GRAMD1B: variants seen among roughly 807,000 people sequenced by gnomAD.
The protein encoded by GRAMD1B is protein Aster-B.
Under a neutral mutation model 99.7 loss-of-function variants are expected in GRAMD1B, and 37 were observed. The ratio of observed to expected loss-of-function variants is 0.37; its 90% CI spans 0.29 to 0.49. The LOEUF (loss-of-function observed/expected upper bound fraction) is 0.49, where lower values mean the gene tolerates loss of function less well. GRAMD1B is among the 20% of genes least tolerant of loss of function. GRAMD1B has a pLI of 0.98. For synonymous variants in GRAMD1B, 427 were observed against 387.6 expected (o/e 1.10, Z -1.19); for missense variants, 888 against 1,009.2 (o/e 0.88, Z 1.63).
intron 1 of GRAMD1B, among the ~76,000 whole-genome samples, chr11:123,470,513 T>TC (rs200488267): frequency 0.053 from 380 of 7,166 alleles, 2 homozygotes; most frequent in African/African-American, 0.29. Flanking sequence ...TTTCTTTCTT[T>TC]TTTTTTTTTT....
At chr11:123,454,630 A>G (rs1950030754) in intron 1 of GRAMD1B, 1 of 152,224 alleles carries the variant, frequency 6.6e-6, no homozygotes, top group Non-Finnish European at 1.5e-5. Flanking sequence ...TGGCTTCATG[A>G]AACTTTGATG....
At chr11:123,511,162 G>T (rs1940969418) in intron 2 of GRAMD1B, among the ~76,000 whole-genome samples, 1 of 151,914 alleles carries the variant, frequency 6.6e-6, no homozygotes. Flanking sequence ...TTCACCTTCT[G>T]TTTGCTTCTC....
At chr11:123,532,478 C>T (rs1943495721) in intron 2 of GRAMD1B, among the ~76,000 whole-genome samples, 1 of 152,232 alleles carries the variant, frequency 6.6e-6, no homozygotes, top group Non-Finnish European at 1.5e-5. Flanking sequence ...ACTCATCATA[C>T]ATACCACTAC....
At chr11:123,458,766 G>C (rs760701242) in intron 1 of GRAMD1B, 3 of 151,436 alleles carry the variant, frequency 2.0e-5, no homozygotes, top group Non-Finnish European at 2.9e-5. Flanking sequence ...GAGAATGGGA[G>C]CATTCTGAGT....
chr11:123,544,681 C>T (rs1045178398), intron 2 of GRAMD1B, among the ~76,000 whole-genome samples: 1 of 152,222 alleles, frequency 6.6e-6, no homozygotes, highest in Non-Finnish European at 1.5e-5. Flanking sequence ...TTGCCCACAG[C>T]GGCGGTTGTC....
At chr11:123,608,394 A>C (rs1953035225) in intron 11 of GRAMD1B, 4 of 1,051,978 alleles carry the variant, frequency 3.8e-6, no homozygotes, top group Non-Finnish European at 5.4e-6. Context: ...GTGTAAAAGC[A>C]AATCGTACAT....
intron 2 of GRAMD1B, among the ~76,000 whole-genome samples, chr11:123,500,669 C>G (rs1939761923): frequency 6.6e-6 from 1 of 151,786 alleles, no homozygotes; most frequent in African/African-American, 2.4e-5. Flanking sequence ...TAATAGCTAC[C>G]TTGAAACCTT....
At chr11:123,415,149 C>T (rs565834023) in intron 1 of GRAMD1B, among the ~76,000 whole-genome samples, 3 of 116,688 alleles carry the variant, frequency 2.6e-5, no homozygotes, top group African/African-American at 1.0e-4. Flanking sequence ...TGTCGCCAGG[C>T]TGGAGTGCAG....
At chr11:123,421,879 A>G (rs1948449700) in intron 1 of GRAMD1B, among the ~76,000 whole-genome samples, 1 of 152,222 alleles carries the variant, frequency 6.6e-6, no homozygotes, top group Non-Finnish European at 1.5e-5. Context: ...GAAACAATGT[A>G]TTCTAATAAA....
In GRAMD1B at chr11:123,513,607, T is replaced by TTCCC. The variant is rs1351636097; in HGVS notation, c.452+32717_452+32718insCTCC. The stretch of plus-strand genomic sequence containing the variant: ...CTTCCTTCCTTCCTTCCTTCCTTCC[T>TTCCC]TCCTTCCTTCCTTTCTTTCTTTCTT... On this transcript the variant is annotated intron_variant, in intron 2 of 19. Transcript: ENST00000635736. Among the ~76,000 whole-genome samples the TTCCC allele has an allele frequency of 2.8e-3, 335 of 118,750 alleles. 8 individuals carry two copies. The highest frequency in any genetic ancestry group is 0.011 in the African/African-American group (312 of 28,990). 77.9% of individuals were successfully genotyped at this position (118,750 alleles called of 152,430 possible). A position where few individuals can be genotyped will look rare whatever the true frequency, so the allele number is the denominator to read the frequency against.
chr11:123,516,794 T>G (rs566241733), intron 2 of GRAMD1B, among the ~76,000 whole-genome samples: 2 of 152,366 alleles, frequency 1.3e-5, no homozygotes, highest in Non-Finnish European at 2.9e-5. Context: ...TGTTATTTCA[T>G]ATAGTTTAAT....
intron 2 of GRAMD1B, among the ~76,000 whole-genome samples, chr11:123,513,073 A>C (rs111857780): frequency 4.3e-4 from 65 of 152,344 alleles, no homozygotes; most frequent in Non-Finnish European, 7.4e-4. Context: ...AGCAGCTTGT[A>C]AGTAACTTAC....
In GRAMD1B at chr11:123,468,023, C is replaced by T. The variant is rs149632962; in HGVS notation, c.375-12793C>T. 6.3e-3 allele frequency among the ~76,000 whole-genome samples: 951 copies of T among 151,950 alleles called. 12 individuals are homozygous for T. Among genetic ancestry groups the T allele is most frequent in the African/African-American group, 0.022 (899 of 41,330 alleles). On this transcript the variant is annotated intron_variant, in intron 1 of 19. Transcript: ENST00000635736. The stretch of plus-strand genomic sequence containing the variant: ...GGATTACAGGCATGCCCACCACACT[C>T]AGCTATTTTTTTGTATTTTTAGTAG...
chr11:123,580,901 CTT>C (rs34166213), intron 3 of GRAMD1B, among the ~76,000 whole-genome samples: 3 of 142,520 alleles, frequency 2.1e-5, no homozygotes, highest in Non-Finnish European at 3.1e-5. Context: ...TTTGACTTTC[CTT>C]TTTTTTTTTT....
intron 1 of GRAMD1B, among the ~76,000 whole-genome samples, chr11:123,401,596 C>T (rs1025797481): frequency 2.6e-5 from 4 of 152,182 alleles, no homozygotes; most frequent in Admixed American, 6.5e-5. Context: ...ACAGGCAAGC[C>T]GCCAGACTAA....
Position 123,595,926 on chromosome 11 carries a change from T to C in GRAMD1B, c.874-16T>C, listed in dbSNP as rs1269286527. ...CACTTTGCTTGTTGCCCATTCTCTG[T>C]CCTCTTGGATGCCAGCTGACAGTCC... On this transcript the variant is annotated splice_polypyrimidine_tract_variant and intron_variant, in intron 6 of 19. Transcript: ENST00000635736. 1 of 1,540,050 alleles carries C rather than the reference T, an allele frequency of 6.5e-7. No homozygotes were observed. The highest frequency in any genetic ancestry group is 1.8e-5 in the Admixed American group (1 of 56,804).
chr11:123,579,317 G>C (rs1260733179), intron 3 of GRAMD1B, among the ~76,000 whole-genome samples: 1 of 152,214 alleles, frequency 6.6e-6, no homozygotes, highest in Non-Finnish European at 1.5e-5. Flanking sequence ...AAGTCTCTCC[G>C]TGCTTTGGGG....
chr11:123,402,435 T>C (rs1947700482), intron 1 of GRAMD1B, among the ~76,000 whole-genome samples: 1 of 152,234 alleles, frequency 6.6e-6, no homozygotes, highest in Non-Finnish European at 1.5e-5. Flanking sequence ...TTAGCCAGCC[T>C]GTATTGAGTA....
chr11:123,472,300 T>C (rs1350933592), intron 1 of GRAMD1B, among the ~76,000 whole-genome samples: 10 of 151,882 alleles, frequency 6.6e-5, no homozygotes, highest in Non-Finnish European at 1.5e-5. Context: ...AACACAGACA[T>C]GGGCATGTTC....
Sources: gnomAD v4.1 joint callset for allele counts (sites outside exome capture counted in the v4.1 genomes callset) on GRCh38, gnomAD v4.1.1 for gene constraint, MANE v1.5 for transcripts, NCBI Gene and HGNC (gene_info 2026-07-23, HGNC 2026-07-21) for gene names.